Variants in FBXW10 observed in about 807,000 individuals in gnomAD.
FBXW10 encodes the protein F-box/WD repeat-containing protein 10.
A neutral mutation model predicts 113.1 loss-of-function variants in FBXW10; 68 were observed. The ratio of observed to expected loss-of-function variants is 0.60; its 90% CI spans 0.49 to 0.74. The LOEUF (loss-of-function observed/expected upper bound fraction) is 0.74, where lower values mean the gene tolerates loss of function less well. Among genes scored for constraint, FBXW10 ranks in the 30% least tolerant of loss-of-function variants. The pLI is 0.00. For missense variants in FBXW10, 753 were observed against 1,284.5 expected (o/e 0.59, Z 6.32); for synonymous variants, 289 against 481.6 (o/e 0.60, Z 5.24).
At chr17:18,747,670 T>C (rs2035063652) in intron 1 of FBXW10, among the ~76,000 whole-genome samples, 1 of 152,140 alleles carries the variant, frequency 6.6e-6, no homozygotes, top group East Asian at 1.9e-4. Context: ...GCATTCCCTG[T>C]TGCAATTCCT....
At chr17:18,762,428 C>T (rs2035405019) in intron 7 of FBXW10, among the ~76,000 whole-genome samples, 2 of 151,794 alleles carry the variant, frequency 1.3e-5, no homozygotes, top group African/African-American at 2.4e-5. Context: ...AAGGATTCCC[C>T]TGCCTCAGCC....
At chr17:18,757,501 G>A (rs1448826260) in intron 6 of FBXW10, among the ~76,000 whole-genome samples, 1 of 152,210 alleles carries the variant, frequency 6.6e-6, no homozygotes, top group African/African-American at 2.4e-5. Context: ...GTGTCCCCAG[G>A]TTGGGCGTGG....
At chr17:18,769,732 G>T (rs533801135) in intron 10 of FBXW10, 195 bp from the exon 11 acceptor site, 1 of 591,664 alleles carries the variant, frequency 1.7e-6, no homozygotes, top group Admixed American at 3.2e-5. Context: ...AGCCAAGATC[G>T]CACCGTTGCA....
intron 2 of FBXW10, among the ~76,000 whole-genome samples, chr17:18,748,533 C>T (rs371223372): frequency 1.1e-3 from 170 of 148,010 alleles, no homozygotes; most frequent in African/African-American, 3.0e-3. Context: ...GAGGAACTCA[C>T]ATTCATTTAG....
chr17:18,767,235 G>A (rs2035514563), intron 9 of FBXW10, among the ~76,000 whole-genome samples: 1 of 152,042 alleles, frequency 6.6e-6, no homozygotes, highest in Admixed American at 6.6e-5. Context: ...CACTTTGGGA[G>A]GCCGAGGCAG....
rs530484339 is a variant in FBXW10, at chr17:18,773,014, C to T, written c.2278+331C>T. On this transcript the variant is annotated intron_variant, in intron 12 of 13. Coordinates refer to ENST00000395665, the MANE Select transcript of FBXW10 (RefSeq NM_001267585.2). The stretch of plus-strand genomic sequence containing the variant: ...CACAATCTTGGCTCACCGCAACCTC[C>T]GCCTCCCAGGTTCAAGCGATTCTCC... Among the ~76,000 whole-genome samples, 430 of 151,522 alleles carry T rather than the reference C, an allele frequency of 2.8e-3. 3 individuals carry two copies. The highest frequency in any genetic ancestry group is 9.1e-3 in the African/African-American group (377 of 41,306).
In FBXW10 at chr17:18,770,012, G is replaced by A. The variant is rs1271955448; in HGVS notation, c.1933G>A (p.Gly645Arg). 3.7e-6 allele frequency: 6 copies of A among 1,614,152 alleles called. No homozygotes were observed. Among genetic ancestry groups the A allele is most frequent in the Middle Eastern group, 3.3e-4 (2 of 6,060 alleles). Residue 645 changes from glycine (G) to arginine (R), a missense_variant, in exon 11 of 14, where the codon GGG (glycine) becomes AGG (arginine). By Grantham distance (125) the Gly-to-Arg change is moderately radical. Transcript: ENST00000395665. ...GATCCGAATTTACAATTTCCTCAAC[G>A]GGAACTGTATGAAGGTGTTAAAAGC... is the stretch of plus-strand genomic sequence containing the variant. ...GKIRIYNFLN[G>R]NCMKVLKANG...
At chr17:18,768,433 A>C in intron 9 of FBXW10, 101 bp from the exon 10 acceptor site, 4 of 1,497,126 alleles carry the variant, frequency 2.7e-6, no homozygotes, top group Non-Finnish European at 3.6e-6. Flanking sequence ...GCAGTCACAG[A>C]TTGGTGGGGG....
chr17:18,744,876 G>GT, intron 1 of FBXW10, 127 bp downstream of exon 1: 2 of 1,505,838 alleles, frequency 1.3e-6, no homozygotes, highest in South Asian at 1.3e-5. Context: ...CTCAGCATAG[G>GT]TTTTTTGAAC....
chr17:18,764,953 G>A, intron 8 of FBXW10, 90 bp downstream of exon 8: 2 of 1,611,268 alleles, frequency 1.2e-6, no homozygotes, highest in Non-Finnish European at 1.7e-6. Context: ...CTATAGGCAG[G>A]CAGTCATTTA....
intron 1 of FBXW10, 96 bp downstream of exon 1, chr17:18,744,845 G>C (rs1436438014): frequency 3.9e-6 from 6 of 1,546,450 alleles, no homozygotes; most frequent in Non-Finnish European, 5.2e-6. Flanking sequence ...GACAACATAG[G>C]TAGACAGAGA....
At chr17:18,764,589 C>A (rs1226514661) in intron 7 of FBXW10, among the ~76,000 whole-genome samples, 153 bp from the exon 8 acceptor site, 1 of 152,164 alleles carries the variant, frequency 6.6e-6, no homozygotes, top group Non-Finnish European at 1.5e-5. Context: ...CAAATAGGTG[C>A]TGCAGCTGGG....
intron 6 of FBXW10, among the ~76,000 whole-genome samples, chr17:18,756,599 C>CT (rs1210517632): frequency 6.6e-6 from 1 of 151,838 alleles, no homozygotes; most frequent in African/African-American, 2.4e-5. Flanking sequence ...TCTTTGCATA[C>CT]TTAGCACATA....
chr17:18,764,930 GT>G, intron 8 of FBXW10, 67 bp downstream of exon 8: 2 of 1,612,998 alleles, frequency 1.2e-6, no homozygotes, highest in South Asian at 2.2e-5. Flanking sequence ...AAAATGCTTT[GT>G]TTTGCTCATT....
intron 11 of FBXW10, among the ~76,000 whole-genome samples, chr17:18,770,884 T>G (rs112345740): frequency 0.029 from 4,353 of 151,498 alleles, 198 homozygotes; most frequent in African/African-American, 0.095. Flanking sequence ...TTGTATACAG[T>G]ACTGTGCTTT....
chr17:18,766,304 AT>A (rs2035495216), intron 8 of FBXW10, among the ~76,000 whole-genome samples: 1 of 150,844 alleles, frequency 6.6e-6, no homozygotes, highest in South Asian at 2.1e-4. Context: ...GTATGCCATG[AT>A]TTTCTTTTTT....
intron 2 of FBXW10, 120 bp from the exon 3 acceptor site, chr17:18,749,602 C>T: frequency 1.5e-6 from 2 of 1,296,804 alleles, no homozygotes; most frequent in Non-Finnish European, 2.2e-6. Flanking sequence ...AATCTAGTGG[C>T]CTAAGGTTAG....
rs145174674 is a variant in FBXW10, at chr17:18,756,388, C to T, written c.1232+234C>T. Among the ~76,000 whole-genome samples the T allele has an allele frequency of 4.9e-3, 748 of 152,326 alleles. 5 individuals carry two copies. The highest frequency in any genetic ancestry group is 7.7e-3 in the Non-Finnish European group (524 of 68,030). On this transcript the variant is annotated intron_variant, in intron 6 of 13. Coordinates refer to ENST00000395665, the MANE Select transcript of FBXW10 (RefSeq NM_001267585.2). Reference sequence around the variant, plus strand: ...AAATTTTGGGTATGCTGACCAACAACCTTTTGCACAAGTCACACATAAAAT... The same window carrying T: ...AAATTTTGGGTATGCTGACCAACAATCTTTTGCACAAGTCACACATAAAAT...
chr17:18,762,443 G>A (rs149093897), intron 7 of FBXW10, among the ~76,000 whole-genome samples: 12,001 of 147,556 alleles, frequency 0.081, 1,202 homozygotes, highest in East Asian at 0.51. Context: ...TCAGCCTCCC[G>A]AGTAGCTGGG....
Sources: allele counts gnomAD v4.1 joint callset (sites outside exome capture counted in the v4.1 genomes callset), GRCh38; gene constraint gnomAD v4.1.1; transcripts MANE v1.5; gene names NCBI Gene and HGNC (gene_info 2026-07-23, HGNC 2026-07-21).